Variants in RBFOX1 observed in about 807,000 individuals in gnomAD.
RBFOX1 encodes RNA binding fox-1 homolog 1.
A neutral mutation model predicts 57.7 loss-of-function variants in RBFOX1; 8 were observed. That is an observed-to-expected ratio of 0.14 (90% CI 0.08 to 0.25). RBFOX1 has a LOEUF of 0.25. RBFOX1 is among the 10% of genes least tolerant of loss of function. The probability of loss-of-function intolerance (pLI) is 1.00; values close to 1 mark genes in which losing one functional copy is unlikely to be tolerated. For missense variants in RBFOX1, 611 were observed against 548.5 expected (o/e 1.11, Z -1.14); for synonymous variants, 326 against 222.4 (o/e 1.47, Z -4.15).
intron 4 of RBFOX1, among the ~76,000 whole-genome samples, chr16:7,350,125 C>A (rs1039079189): frequency 6.6e-6 from 1 of 151,710 alleles, no homozygotes; most frequent in African/African-American, 2.4e-5. Flanking sequence ...CCAGCTTGGG[C>A]GACAGAGCCA....
chr16:6,309,891 C>G (rs1338568474), intron 1 of RBFOX1, among the ~76,000 whole-genome samples: 1 of 152,166 alleles, frequency 6.6e-6, no homozygotes, highest in Admixed American at 6.5e-5. Flanking sequence ...CGCTTATTGA[C>G]TTTAGTAGTA....
At chr16:6,579,918 A>C (rs908263491) in intron 2 of RBFOX1, among the ~76,000 whole-genome samples, 3 of 151,786 alleles carry the variant, frequency 2.0e-5, no homozygotes, top group Non-Finnish European at 2.9e-5. Context: ...TACATATTCT[A>C]TGTATAGGTT....
At chr16:6,064,338 G>A (rs750993004) in intron 1 of RBFOX1, among the ~76,000 whole-genome samples, 1 of 152,112 alleles carries the variant, frequency 6.6e-6, no homozygotes, top group Non-Finnish European at 1.5e-5. Flanking sequence ...CCAAATGCAA[G>A]CATGAGTGCA....
intron 3 of RBFOX1, among the ~76,000 whole-genome samples, chr16:5,631,004 C>T (rs1002877261): frequency 1.3e-5 from 2 of 152,188 alleles, no homozygotes; most frequent in African/African-American, 4.8e-5. Flanking sequence ...TGAAGTGATT[C>T]CCCTTGGAAG....
intron 4 of RBFOX1, among the ~76,000 whole-genome samples, chr16:7,329,558 G>T (rs1227863129): frequency 1.6e-4 from 24 of 152,194 alleles, no homozygotes; most frequent in Non-Finnish European, 4.4e-5. Context: ...TTTAGTAGTT[G>T]TTATTTATTT....
At chr16:6,790,167 T>C (rs1603624126) in intron 3 of RBFOX1, among the ~76,000 whole-genome samples, 1 of 137,228 alleles carries the variant, frequency 7.3e-6, no homozygotes, top group South Asian at 2.3e-4. Flanking sequence ...TTTTATTTTA[T>C]TCTATTATTA....
intron 4 of RBFOX1, among the ~76,000 whole-genome samples, chr16:7,308,103 A>G (rs1187324708): frequency 2.0e-5 from 3 of 152,212 alleles, no homozygotes; most frequent in East Asian, 1.9e-4. Flanking sequence ...TAGAGAAGAA[A>G]TAGAAAACAG....
chr16:5,696,271 T>A (rs2050839802), intron 3 of RBFOX1, among the ~76,000 whole-genome samples: 1 of 152,250 alleles, frequency 6.6e-6, no homozygotes, highest in Non-Finnish European at 1.5e-5. Context: ...CATAGGTATT[T>A]TCTAAATATT....
intron 3 of RBFOX1, among the ~76,000 whole-genome samples, chr16:6,982,769 G>C (rs1343195581): frequency 6.6e-6 from 1 of 152,166 alleles, no homozygotes; most frequent in Non-Finnish European, 1.5e-5. Flanking sequence ...GAGGCAGGTG[G>C]ATCACCTGAG....
At chr16:7,480,164 ACTCT>A (rs1391580307) in intron 4 of RBFOX1, among the ~76,000 whole-genome samples, 52 of 152,108 alleles carry the variant, frequency 3.4e-4, no homozygotes, top group African/African-American at 1.2e-3. Context: ...AGCTACACAC[ACTCT>A]CTAAGTTACA....
intron 3 of RBFOX1, among the ~76,000 whole-genome samples, chr16:6,923,522 G>A (rs1159520933): frequency 2.0e-5 from 3 of 151,882 alleles, no homozygotes; most frequent in Admixed American, 6.6e-5. Flanking sequence ...GATGGAGAAA[G>A]ACTCCATCTC....
intron 2 of RBFOX1, among the ~76,000 whole-genome samples, chr16:6,636,940 TAA>T (rs200949933): frequency 0.24 from 29,489 of 121,400 alleles, 3,642 homozygotes; most frequent in African/African-American, 0.36. Flanking sequence ...TAAATATACA[TAA>T]AATATACATA....
intron 3 of RBFOX1, among the ~76,000 whole-genome samples, chr16:6,729,852 G>C (rs1325980337): frequency 6.6e-6 from 1 of 152,080 alleles, no homozygotes; most frequent in East Asian, 1.9e-4. Flanking sequence ...GGGACAAATG[G>C]AGTTTGGAAG....
intron 1 of RBFOX1, among the ~76,000 whole-genome samples, chr16:6,239,485 C>CTTTTTTT (rs59244306): frequency 1.5e-5 from 1 of 67,800 alleles, no homozygotes; most frequent in Non-Finnish European, 2.6e-5. Context: ...CCAACTGACT[C>CTTTTTTT]TTTTTTTTTT....
chr16:6,060,369 A>T (rs972227788), intron 1 of RBFOX1, among the ~76,000 whole-genome samples: 40 of 152,122 alleles, frequency 2.6e-4, no homozygotes, highest in African/African-American at 8.4e-4. Flanking sequence ...GTTAATAGAT[A>T]TAAAACACTT....
chr16:7,520,636 G>A (rs758342563), intron 5 of RBFOX1, among the ~76,000 whole-genome samples: 2 of 152,124 alleles, frequency 1.3e-5, no homozygotes, highest in African/African-American at 4.8e-5. Context: ...TCCTGCTGCC[G>A]ACTTTTTTGT....
In RBFOX1 at chr16:6,641,380, C is replaced by G. The variant is rs187533243; in HGVS notation, c.-63-13223C>G. Among the ~76,000 whole-genome samples the G allele has an allele frequency of 3.2e-4, 48 of 152,204 alleles. No homozygotes were observed. In the East Asian group the frequency reaches 7.5e-3, roughly 24 times the overall value. On this transcript the variant is annotated intron_variant, in intron 2 of 15. Transcript: ENST00000550418. ...TCATTTTCTGGTGCTATTTATAAAT[C>G]CAAGGGAGCATTGCTGTTTTGTTTT...
intron 3 of RBFOX1, among the ~76,000 whole-genome samples, chr16:5,628,851 T>C (rs984221125): frequency 1.3e-4 from 20 of 152,216 alleles, no homozygotes; most frequent in African/African-American, 4.3e-4. Context: ...ACATGGGCTA[T>C]GATGAGTGCT....
At chr16:5,384,116 T>A (rs1046974537) in intron 1 of RBFOX1, among the ~76,000 whole-genome samples, 1 of 152,226 alleles carries the variant, frequency 6.6e-6, no homozygotes, top group African/African-American at 2.4e-5. Flanking sequence ...TGGGGTTCTG[T>A]CTTACTGGCT....
Sources: allele counts gnomAD v4.1 joint callset (sites outside exome capture counted in the v4.1 genomes callset), GRCh38; gene constraint gnomAD v4.1.1; transcripts MANE v1.5; gene names NCBI Gene and HGNC (gene_info 2026-07-23, HGNC 2026-07-21).